Variants in SPOP observed in about 807,000 individuals in gnomAD.
SPOP encodes speckle type BTB/POZ protein, also known as speckle-type POZ protein.
SPOP carries 11 observed loss-of-function variants against 45.6 expected under a neutral mutation model. That is an observed-to-expected ratio of 0.24 (90% CI 0.15 to 0.40). The LOEUF (loss-of-function observed/expected upper bound fraction) is 0.40, where lower values mean the gene tolerates loss of function less well. Ranked by LOEUF, SPOP falls within the 10% of genes least tolerant of loss-of-function variation. The pLI is 1.00. For synonymous variants in SPOP, 166 were observed against 166.3 expected (o/e 1.00, Z 0.01); for missense variants, 152 against 465.6 (o/e 0.33, Z 6.20).
intron 1 of SPOP, among the ~76,000 whole-genome samples, chr17:49,654,129 CTT>C (rs978051892): frequency 7.2e-5 from 11 of 152,196 alleles, no homozygotes; most frequent in African/African-American, 2.4e-4. Context: ...AGTTCTTTGT[CTT>C]TGTCACTGAC....
intron 1 of SPOP, among the ~76,000 whole-genome samples, chr17:49,645,483 A>C (rs1315170757): frequency 6.6e-6 from 1 of 151,572 alleles, no homozygotes; most frequent in Non-Finnish European, 1.5e-5. Flanking sequence ...TTTTGTTTTT[A>C]GTAGAGATGG....
At chr17:49,672,949 A>G (rs1410695198) in intron 1 of SPOP, among the ~76,000 whole-genome samples, 1 of 152,202 alleles carries the variant, frequency 6.6e-6, no homozygotes, top group East Asian at 1.9e-4. Context: ...TCCATCTCGA[A>G]AAAAAAACAA....
chr17:49,677,531 T>C (rs1026813545), intron 1 of SPOP, among the ~76,000 whole-genome samples: 1 of 152,252 alleles, frequency 6.6e-6, no homozygotes, highest in Non-Finnish European at 1.5e-5. Context: ...CCACCGGCTC[T>C]TTATCCCGCA....
chr17:49,628,120 TA>T (rs2072375351), intron 1 of SPOP, among the ~76,000 whole-genome samples: 1 of 152,354 alleles, frequency 6.6e-6, no homozygotes, highest in African/African-American at 2.4e-5. Context: ...AGCAGACAGC[TA>T]AAGCCAAAAT....
chr17:49,623,351 TGTAAA>T (rs2072259328), intron 1 of SPOP, among the ~76,000 whole-genome samples: 1 of 152,156 alleles, frequency 6.6e-6, no homozygotes, highest in Non-Finnish European at 1.5e-5. Context: ...GACTATCTAA[TGTAAA>T]GTAGTCACCT....
Position 49,619,390 on chromosome 17 carries a change from C to G in SPOP, c.201-5G>C, listed in dbSNP as rs2072169816. 1 of 1,594,200 alleles carries G rather than the reference C, an allele frequency of 6.3e-7. No homozygotes were observed. Among genetic ancestry groups the G allele is most frequent in the South Asian group, 1.1e-5 (1 of 87,476 alleles). ...TTGGGGTTTACTCGCAAACACCTGT[C>G]CAAAACAGATAGAAAAAAAAAATGT... On this transcript the variant is annotated splice_region_variant and splice_polypyrimidine_tract_variant and intron_variant, in intron 3 of 9. Coordinates refer to ENST00000504102, the MANE Select transcript of SPOP (RefSeq NM_001007228.2). The surrounding 1 kb of genome is among the most constrained non-coding windows in gnomAD (Gnocchi z 4.9).
intron 1 of SPOP, among the ~76,000 whole-genome samples, chr17:49,635,632 CTT>C (rs11451249): frequency 4.9e-5 from 6 of 121,630 alleles, no homozygotes; most frequent in Middle Eastern, 4.3e-3. Flanking sequence ...AGGTATCTCT[CTT>C]TTTTTTTTTT....
intron 5 of SPOP, among the ~76,000 whole-genome samples, chr17:49,612,576 G>A (rs1207068938): frequency 1.3e-5 from 2 of 152,176 alleles, no homozygotes; most frequent in Non-Finnish European, 2.9e-5. Flanking sequence ...TAACTTCTAG[G>A]TGAGTCAGTG....
At chr17:49,672,576 T>C (rs753695896) in intron 1 of SPOP, among the ~76,000 whole-genome samples, 1 of 152,234 alleles carries the variant, frequency 6.6e-6, no homozygotes, top group Non-Finnish European at 1.5e-5. Flanking sequence ...TATCTGTTTA[T>C]GAAACTATGA....
At chr17:49,638,154 A>G (rs762780562) in intron 1 of SPOP, among the ~76,000 whole-genome samples, 5 of 152,248 alleles carry the variant, frequency 3.3e-5, no homozygotes, top group Non-Finnish European at 7.3e-5. Flanking sequence ...ACCATATCCT[A>G]CAAAGTAGCT....
chr17:49,660,444 G>T (rs1005564706), intron 1 of SPOP, among the ~76,000 whole-genome samples: 1 of 151,984 alleles, frequency 6.6e-6, no homozygotes, highest in Admixed American at 6.5e-5. Flanking sequence ...TTTTCGGGTC[G>T]TATTTTTCTC....
Position 49,622,729 on chromosome 17 carries a change from T to C in SPOP, c.78+4A>G. On this transcript the variant is annotated splice_donor_region_variant and intron_variant, in intron 2 of 9. Coordinates refer to ENST00000504102, the MANE Select transcript of SPOP (RefSeq NM_001007228.2). ...AGATTCACAGGCTGAAAACTTCAAC[T>C]TACCTGTGTGTAGCACCAACTCTCA... 6.2e-7 allele frequency: 1 copy of C among 1,613,782 alleles called. No homozygotes were observed. Among genetic ancestry groups the C allele is most frequent in the Non-Finnish European group, 8.5e-7 (1 of 1,179,714 alleles).
chr17:49,632,808 T>C (rs1044539630), intron 1 of SPOP, among the ~76,000 whole-genome samples: 9 of 152,222 alleles, frequency 5.9e-5, no homozygotes, highest in African/African-American at 1.9e-4. Context: ...AATTCCAATA[T>C]ATTAAGTGAG....
At chr17:49,648,387 A>C (rs949777693) in intron 1 of SPOP, among the ~76,000 whole-genome samples, 1 of 152,164 alleles carries the variant, frequency 6.6e-6, no homozygotes, top group Non-Finnish European at 1.5e-5. Flanking sequence ...CTTTACTCCA[A>C]AACACTGGGT....
chr17:49,645,801 A>G (rs1430237565), intron 1 of SPOP, among the ~76,000 whole-genome samples: 1 of 152,128 alleles, frequency 6.6e-6, no homozygotes, highest in Non-Finnish European at 1.5e-5. Flanking sequence ...AATTCACTTA[A>G]GCTTTTTTTC....
intron 1 of SPOP, among the ~76,000 whole-genome samples, chr17:49,666,482 CA>C (rs1218195151): frequency 3.3e-5 from 5 of 151,528 alleles, no homozygotes; most frequent in South Asian, 2.1e-4. Context: ...CACACACACA[CA>C]CACACACACA....
chr17:49,653,672 CTT>C (rs1326327557), intron 1 of SPOP, among the ~76,000 whole-genome samples: 7 of 151,792 alleles, frequency 4.6e-5, no homozygotes, highest in African/African-American at 1.4e-4. Context: ...CATCTACCCT[CTT>C]TGATACATTC....
chr17:49,627,118 G>A (rs1047226762), intron 1 of SPOP, among the ~76,000 whole-genome samples: 13 of 152,110 alleles, frequency 8.5e-5, no homozygotes, highest in African/African-American at 2.7e-4. Flanking sequence ...CAAAGTGCTG[G>A]GATTACAGGC....
Position 49,611,335 on chromosome 17 carries a change from G to A in SPOP, c.603C>T (p.Asp201=). The A allele has an allele frequency of 6.2e-7, 1 of 1,614,184 alleles. No homozygotes were observed. The highest frequency in any genetic ancestry group is 8.5e-7 in the Non-Finnish European group (1 of 1,180,018). The part of the protein sequence containing the change: ...GGLWENSRFT[D]CCLCVAGQEF... ...CCTGGCCGGCAACACACAAGCAGCA[G>A]TCTGTGAACCGGGAATTCTCCCACA... Residue 201 remains aspartate (D), a synonymous_variant, in exon 6 of 10, where the codon GAC becomes GAT. Transcript: ENST00000504102.
Sources: allele counts gnomAD v4.1 joint callset (sites outside exome capture counted in the v4.1 genomes callset), GRCh38; gene constraint gnomAD v4.1.1; non-coding constraint Gnocchi (gnomAD v3.1); transcripts MANE v1.5; gene names NCBI Gene and HGNC (gene_info 2026-07-23, HGNC 2026-07-21).